Variants in NCAM2 observed in about 807,000 individuals in gnomAD.
The protein encoded by NCAM2 is N-CAM-2.
A neutral mutation model predicts 98.1 loss-of-function variants in NCAM2; 30 were observed. The observed-to-expected ratio is 0.31, with a 90% CI of 0.23 to 0.41. The LOEUF (loss-of-function observed/expected upper bound fraction) is 0.41, where lower values mean the gene tolerates loss of function less well. NCAM2 is among the 10% of genes least tolerant of loss of function. NCAM2 has a pLI of 1.00. For synonymous variants in NCAM2, 368 were observed against 342.4 expected (o/e 1.07, Z -0.83); for missense variants, 867 against 1,005.8 (o/e 0.86, Z 1.87).
At chr21:21,147,159 C>T (rs562485878) in intron 1 of NCAM2, 305 of 960,720 alleles carry the variant, frequency 3.2e-4, no homozygotes, top group African/African-American at 1.7e-3. Flanking sequence ...CGCGCCCTGT[C>T]CCACACCGGA....
intron 1 of NCAM2, among the ~76,000 whole-genome samples, chr21:21,023,782 AAGG>A (rs922211339): frequency 1.6e-4 from 25 of 152,198 alleles, no homozygotes; most frequent in African/African-American, 6.0e-4. Flanking sequence ...GTCACAAAGA[AAGG>A]AGCATTATTG....
intron 1 of NCAM2, among the ~76,000 whole-genome samples, chr21:21,277,272 A>G (rs1236714194): frequency 2.6e-5 from 4 of 152,116 alleles, no homozygotes; most frequent in Admixed American, 2.6e-4. Context: ...TGGGAGAAAT[A>G]AAGTTTGATG....
intron 5 of NCAM2, among the ~76,000 whole-genome samples, chr21:21,305,104 G>A (rs940775937): frequency 2.0e-5 from 3 of 152,038 alleles, no homozygotes; most frequent in African/African-American, 7.2e-5. Flanking sequence ...GATCACCTGA[G>A]GTCAGGAGTT....
chr21:21,203,372 A>G (rs2069307097), intron 1 of NCAM2, among the ~76,000 whole-genome samples: 2 of 152,186 alleles, frequency 1.3e-5, no homozygotes, highest in South Asian at 4.1e-4. Flanking sequence ...TCTGTTTAAG[A>G]TAAGAATATG....
chr21:21,094,484 A>G (rs932244477), intron 1 of NCAM2, among the ~76,000 whole-genome samples: 2 of 151,858 alleles, frequency 1.3e-5, no homozygotes, highest in African/African-American at 2.4e-5. Context: ...GTATAATAAT[A>G]GTTTATCTAG....
intron 1 of NCAM2, among the ~76,000 whole-genome samples, chr21:21,251,361 T>G (rs2071463423): frequency 6.6e-6 from 1 of 151,096 alleles, no homozygotes; most frequent in Non-Finnish European, 1.5e-5. Context: ...CCTGTGTCCA[T>G]GTGTTCTCAT....
chr21:21,173,979 A>G lies in NCAM2; in HGVS notation c.56-106599A>G, dbSNP rs890028808. Among the ~76,000 whole-genome samples the G allele has an allele frequency of 2.6e-5, 4 of 152,136 alleles. No individual in the cohort carries two copies. The East Asian group carries it at 5.8e-4, about 22-fold the overall frequency. ...GCTCTTGTCACCCAGGCTGGAGTGC[A>G]GTGGCGCAATCTCAGCTCACTGCAA... On this transcript the variant is annotated intron_variant, in intron 1 of 17. Coordinates refer to ENST00000400546, the MANE Select transcript of NCAM2 (RefSeq NM_004540.5).
chr21:21,522,533 A>G (rs1989078734), intron 16 of NCAM2, among the ~76,000 whole-genome samples: 1 of 151,542 alleles, frequency 6.6e-6, no homozygotes. Flanking sequence ...AGCAGAAAGA[A>G]TATCCTTTCT....
intron 15 of NCAM2, among the ~76,000 whole-genome samples, chr21:21,494,826 A>T (rs1240077584): frequency 6.6e-6 from 1 of 151,912 alleles, no homozygotes; most frequent in Non-Finnish European, 1.5e-5. Context: ...AGGATATTTT[A>T]AAATATTTAT....
intron 1 of NCAM2, among the ~76,000 whole-genome samples, chr21:21,094,887 A>G (rs1395080921): frequency 2.9e-4 from 44 of 151,794 alleles, no homozygotes; most frequent in Non-Finnish European, 3.0e-5. Flanking sequence ...CAATCAGTGC[A>G]TAATGAAGAA....
chr21:21,243,508 A>G (rs2071149102), intron 1 of NCAM2, among the ~76,000 whole-genome samples: 1 of 152,196 alleles, frequency 6.6e-6, no homozygotes, highest in Non-Finnish European at 1.5e-5. Flanking sequence ...TTTATTTGAC[A>G]GTTAAGAGAT....
chr21:21,517,640 C>T (rs1166665374), intron 16 of NCAM2, among the ~76,000 whole-genome samples: 3 of 152,090 alleles, frequency 2.0e-5, no homozygotes, highest in African/African-American at 7.2e-5. Context: ...AGTGGATCAC[C>T]TGAGGTCAAG....
At chr21:21,241,990 A>G (rs12483459) in intron 1 of NCAM2, among the ~76,000 whole-genome samples, 150,343 of 152,260 alleles carry the variant, frequency 0.99, 74,257 homozygotes, top group East Asian at 1. Flanking sequence ...TATTAAAATA[A>G]TGGATCTCAG....
intron 1 of NCAM2, among the ~76,000 whole-genome samples, chr21:21,047,373 C>T (rs1181180525): frequency 2.0e-5 from 3 of 151,966 alleles, no homozygotes; most frequent in Non-Finnish European, 4.4e-5. Context: ...ATTCATTAAC[C>T]AGGAGGTGGC....
At chr21:21,351,120 A>AC (rs1028946057) in intron 8 of NCAM2, among the ~76,000 whole-genome samples, 1 of 36,002 alleles carries the variant, frequency 2.8e-5, no homozygotes, top group Non-Finnish European at 6.4e-5. Flanking sequence ...TCTGTCTCAA[A>AC]AAAAAAAAAA....
intron 5 of NCAM2, among the ~76,000 whole-genome samples, chr21:21,309,096 T>A (rs939677435): frequency 6.6e-6 from 1 of 152,208 alleles, no homozygotes; most frequent in Non-Finnish European, 1.5e-5. Context: ...TTTGGTTGCA[T>A]GGAATGCCAT....
At chr21:21,157,487 G>T (rs2067650479) in intron 1 of NCAM2, among the ~76,000 whole-genome samples, 1 of 151,994 alleles carries the variant, frequency 6.6e-6, no homozygotes, top group Non-Finnish European at 1.5e-5. Flanking sequence ...ACCATATAGG[G>T]TTATGATCAA....
In NCAM2 at chr21:21,075,914, C is replaced by T. The variant is rs1297652364; in HGVS notation, c.55+77296C>T. Among the ~76,000 whole-genome samples the T allele has an allele frequency of 2.6e-5, 4 of 151,988 alleles. No individual in the cohort carries two copies. In the East Asian group the frequency reaches 5.8e-4, roughly 22 times the overall value. ...GGTGGATCACCTGAGGTCAGGAGTT[C>T]AAGAACAGTTTGGCCAACATAGTGA... On this transcript the variant is annotated intron_variant, in intron 1 of 17. Transcript: ENST00000400546.
chr21:21,134,442 G>C (rs1413315385), intron 1 of NCAM2, among the ~76,000 whole-genome samples: 8 of 151,990 alleles, frequency 5.3e-5, no homozygotes. Context: ...AGGCCTTCAT[G>C]GGTTCTGGGT....
Sources: gnomAD v4.1 joint callset for allele counts (sites outside exome capture counted in the v4.1 genomes callset) on GRCh38, gnomAD v4.1.1 for gene constraint, MANE v1.5 for transcripts, NCBI Gene and HGNC (gene_info 2026-07-23, HGNC 2026-07-21) for gene names.